The following GBX2 variants were observed in gnomAD, a reference collection of about 807,000 sequenced individuals.
GBX2 encodes homeobox protein GBX-2.
A neutral mutation model predicts 22.4 loss-of-function variants in GBX2; 5 were observed. That is an observed-to-expected ratio of 0.22 (90% CI 0.12 to 0.47). GBX2 has a LOEUF of 0.47. Among genes scored for constraint, GBX2 ranks in the 20% least tolerant of loss-of-function variants. The pLI is 0.99. For synonymous variants in GBX2, 220 were observed against 230.5 expected (o/e 0.95, Z 0.41); for missense variants, 470 against 495.4 (o/e 0.95, Z 0.49).
Position 236,165,813 on chromosome 2 carries a change from G to A in GBX2, c.*101C>T, listed in dbSNP as rs1221936565. ...ATTTGCTTGGGATGGCCACAGCTGGGCTGTGACTTTGTTGCTTCAAACACA... is the reference window on the plus strand; with the variant it reads ...ATTTGCTTGGGATGGCCACAGCTGGACTGTGACTTTGTTGCTTCAAACACA... On this transcript the variant is annotated 3_prime_UTR_variant, in exon 2 of 2. Coordinates refer to ENST00000306318, the MANE Select transcript of GBX2 (RefSeq NM_001485.4). The A allele has an allele frequency of 1.1e-6, 1 of 936,870 alleles. No homozygotes were observed. The highest frequency in any genetic ancestry group is 1.6e-5 in the African/African-American group (1 of 60,716). The allele number at this position is 936,870 out of a possible 1,614,324, so 58.0% of individuals were successfully genotyped here.
At chr2:236,163,501 C>CGA (rs1347415693), downstream of GBX2, among the ~76,000 whole-genome samples, 1 of 152,228 alleles carries the variant, frequency 6.6e-6, no homozygotes, top group Non-Finnish European at 1.5e-5. Context: ...TGCCCCTCAT[C>CGA]CCTGCCATGG....
chr2:236,166,514 C>T lies in GBX2; in HGVS notation c.524-77G>A, dbSNP rs1352768568. The T allele has an allele frequency of 3.0e-6, 4 of 1,316,408 alleles. No individual in the cohort carries two copies. The highest frequency in any genetic ancestry group is 4.6e-5 in the East Asian group (2 of 43,274). The allele number at this position is 1,316,408 out of a possible 1,614,324, so 81.5% of individuals were successfully genotyped here. ...TTTCTCCTTCCCACCGTCATTTGGA[C>T]ATTCCGCGCCCCCCGCCCCCCACCC... On this transcript the variant is annotated intron_variant, in intron 1 of 1. Transcript: ENST00000306318. The surrounding 1 kb of genome is among the most constrained non-coding windows in gnomAD (Gnocchi z 6.6).
chr2:236,161,386 T>C (rs1465153352), downstream of GBX2, among the ~76,000 whole-genome samples: 1 of 152,244 alleles, frequency 6.6e-6, no homozygotes, highest in Admixed American at 6.5e-5. Flanking sequence ...TACATACATA[T>C]GGTGTTGCTT....
chr2:236,164,324 G>C (rs1444357487), downstream of GBX2, among the ~76,000 whole-genome samples: 1 of 152,084 alleles, frequency 6.6e-6, no homozygotes, highest in Admixed American at 6.5e-5. Flanking sequence ...GGCTTCTCTC[G>C]CGCTTCGGGC....
rs765764887 is a variant in GBX2, at chr2:236,167,558, G to C, written c.414C>G (p.Phe138Leu). ...CAGCCTGCAGCGCCTCCGCCTTGTCGAAGTTACCGCCGCCGGGCAGCGGCT... is the reference window on the plus strand; with the variant it reads ...CAGCCTGCAGCGCCTCCGCCTTGTCCAAGTTACCGCCGCCGGGCAGCGGCT... ...APQPLPGGGN[F>L]DKAEALQADA... is the part of the protein sequence containing the mutation. The change falls in exon 1 of 2, where the codon TTC (phenylalanine) becomes TTG (leucine). Residue 138 changes from phenylalanine to leucine, a missense_variant. Physicochemically the swap from Phe to Leu is conservative, Grantham distance 22. Transcript: ENST00000306318. The C allele has an allele frequency of 1.3e-6, 2 of 1,598,740 alleles. No individual in the cohort carries two copies. Among genetic ancestry groups the C allele is most frequent in the African/African-American group, 2.7e-5 (2 of 73,754 alleles).
rs2060234689 is a variant in GBX2, at chr2:236,165,725, C to T, written c.*189G>A. 1 of 589,544 alleles carries T rather than the reference C, an allele frequency of 1.7e-6. No individual in the cohort carries two copies. The highest frequency in any genetic ancestry group is 3.0e-6 in the Non-Finnish European group (1 of 331,446). 36.5% of individuals were successfully genotyped at this position (589,544 alleles called of 1,614,324 possible). A position where few individuals can be genotyped will look rare whatever the true frequency, so the allele number is the denominator to read the frequency against. ...GTATAATAAATATTTAGCGTGTCTT[C>T]TGGTGTGGCTGTAAGCCCCTTCAAA... On this transcript the variant is annotated 3_prime_UTR_variant, in exon 2 of 2. Coordinates refer to ENST00000306318, the MANE Select transcript of GBX2 (RefSeq NM_001485.4).
intron 1 of GBX2, chr2:236,167,169 G>A: frequency 6.5e-7 from 1 of 1,535,654 alleles, no homozygotes; most frequent in Non-Finnish European, 8.7e-7. Flanking sequence ...GAGCGGCAGA[G>A]GCGGCCTCGG....
chr2:236,161,844 C>A (rs1014713296), downstream of GBX2, among the ~76,000 whole-genome samples: 2 of 152,216 alleles, frequency 1.3e-5, no homozygotes, highest in Non-Finnish European at 2.9e-5. Context: ...CTGCTGCCCG[C>A]GCTGCTGAAT....
rs946004857 is a variant in GBX2, at chr2:236,167,256, AC to A, written c.523+192del. 21 of 1,454,596 alleles carry A rather than the reference AC, an allele frequency of 1.4e-5. No individual in the cohort carries two copies. The African/African-American group carries it at 2.9e-4, about 20-fold the overall frequency. 90.1% of individuals were successfully genotyped at this position (1,454,596 alleles called of 1,614,324 possible). On this transcript the variant is annotated intron_variant, in intron 1 of 1. Coordinates refer to ENST00000306318, the MANE Select transcript of GBX2 (RefSeq NM_001485.4). ...GGCGCTAAACGCCCCCCCTCCCGAG[AC>A]CCCGCTTGTTGGGTGGCTCTGAATG...
chr2:236,166,067 T>G lies in GBX2; in HGVS notation c.894A>C (p.Arg298=). ...EVQVKIWFQN[R]RAKWKRVKAG... is the part of the protein sequence containing the mutation. Reference sequence around the variant, plus strand: ...CCTTCACCCGTTTCCACTTGGCCCGTCGGTTCTGGAACCAGATTTTCACCT... The same window carrying G: ...CCTTCACCCGTTTCCACTTGGCCCGGCGGTTCTGGAACCAGATTTTCACCT... Residue 298 remains arginine (R), a synonymous_variant, in exon 2 of 2, where the codon CGA becomes CGC. Coordinates refer to ENST00000306318, the MANE Select transcript of GBX2 (RefSeq NM_001485.4). The surrounding 1 kb of genome is among the most constrained non-coding windows in gnomAD (Gnocchi z 6.6). The G allele has an allele frequency of 6.2e-7, 1 of 1,614,234 alleles. No individual in the cohort carries two copies. The highest frequency in any genetic ancestry group is 8.5e-7 in the Non-Finnish European group (1 of 1,180,036).
At chr2:236,163,120 TC>T (rs553637281), downstream of GBX2, among the ~76,000 whole-genome samples, 8 of 152,330 alleles carry the variant, frequency 5.3e-5, no homozygotes, top group South Asian at 1.4e-3. Flanking sequence ...GTGATGTGAC[TC>T]ATTAGGCAGC....
chr2:236,164,058 G>A (rs2060224631), downstream of GBX2, among the ~76,000 whole-genome samples: 1 of 152,228 alleles, frequency 6.6e-6, no homozygotes, highest in Admixed American at 6.5e-5. Context: ...GCGGGAAAGG[G>A]TGACTCGGTC....
chr2:236,167,446 C>T lies in GBX2; in HGVS notation c.523+3G>A, dbSNP rs751199386. On this transcript the variant is annotated splice_donor_region_variant and intron_variant, in intron 1 of 1. Coordinates refer to ENST00000306318, the MANE Select transcript of GBX2 (RefSeq NM_001485.4). ...GTCCCGGCTGCGCGCGCCGCCGACT[C>T]ACCGAGCGAAGCCTGCACCGTCTCG... 20 of 1,523,028 alleles carry T rather than the reference C, an allele frequency of 1.3e-5. No homozygotes were observed. Among genetic ancestry groups the T allele is most frequent in the Middle Eastern group, 4.1e-4 (2 of 4,918 alleles). 94.3% of individuals were successfully genotyped at this position (1,523,028 alleles called of 1,614,324 possible).
chr2:236,165,567 G>A lies in GBX2; in HGVS notation c.*347C>T, dbSNP rs561411824. ...AAGTATGGAAAGGTGGCTGCTAACCGCGCAGATTACAGCAGAGGTTTTGTT... is the reference window on the plus strand; with the variant it reads ...AAGTATGGAAAGGTGGCTGCTAACCACGCAGATTACAGCAGAGGTTTTGTT... On this transcript the variant is annotated 3_prime_UTR_variant, in exon 2 of 2. Coordinates refer to ENST00000306318, the MANE Select transcript of GBX2 (RefSeq NM_001485.4). 2.0e-5 allele frequency: 4 copies of A among 200,634 alleles called. No individual in the cohort carries two copies. Among genetic ancestry groups the A allele is most frequent in the East Asian group, 2.3e-4 (2 of 8,588 alleles). 12.4% of individuals were successfully genotyped at this position (200,634 alleles called of 1,614,324 possible).
chr2:236,168,054 A>G lies in GBX2; in HGVS notation c.-83T>C. 1 of 1,321,686 alleles carries G rather than the reference A, an allele frequency of 7.6e-7. No individual in the cohort carries two copies. Among genetic ancestry groups the G allele is most frequent in the Non-Finnish European group, 9.6e-7 (1 of 1,036,412 alleles). The allele number at this position is 1,321,686 out of a possible 1,614,324, so 81.9% of individuals were successfully genotyped here. ...GGGAAGCCCGCCGGACGCCGGGAGCACCGCCGGGAGCGCCGGGCAGGGGCC... is the reference window on the plus strand; with the variant it reads ...GGGAAGCCCGCCGGACGCCGGGAGCGCCGCCGGGAGCGCCGGGCAGGGGCC... On this transcript the variant is annotated 5_prime_UTR_variant, in exon 1 of 2. Coordinates refer to ENST00000306318, the MANE Select transcript of GBX2 (RefSeq NM_001485.4).
Position 236,166,159 on chromosome 2 carries a change from A to G in GBX2, c.802T>C (p.Cys268Arg). 1 of 1,614,112 alleles carries G rather than the reference A, an allele frequency of 6.2e-7. No homozygotes were observed. The highest frequency in any genetic ancestry group is 8.5e-7 in the Non-Finnish European group (1 of 1,180,036). ...TCGGTCAAGGAGAGGTACTTTTTGC[A>G]GTGGAACTCCTTCTCTAGCTCCAGC... ...QLLELEKEFH[C>R]KKYLSLTERS... Residue 268 changes from cysteine (C) to arginine (R), a missense_variant, in exon 2 of 2, where the codon TGC becomes CGC. Transcript: ENST00000306318. The surrounding 1 kb of genome is among the most constrained non-coding windows in gnomAD (Gnocchi z 6.6).
At chr2:236,167,385 C>G (rs2060246240) in intron 1 of GBX2, 64 bp downstream of exon 1, 3 of 1,405,972 alleles carry the variant, frequency 2.1e-6, no homozygotes, top group Non-Finnish European at 2.8e-6. Context: ...CGCGGGAACC[C>G]GGCGCTGGCC....
Position 236,166,545 on chromosome 2 carries a change from C to T in GBX2, c.524-108G>A. The T allele has an allele frequency of 1.0e-6, 1 of 959,530 alleles. No individual in the cohort carries two copies. The highest frequency in any genetic ancestry group is 1.6e-6 in the Non-Finnish European group (1 of 630,604). The allele number at this position is 959,530 out of a possible 1,614,324, so 59.4% of individuals were successfully genotyped here. On this transcript the variant is annotated intron_variant, in intron 1 of 1. Coordinates refer to ENST00000306318, the MANE Select transcript of GBX2 (RefSeq NM_001485.4). The surrounding 1 kb of genome is among the most constrained non-coding windows in gnomAD (Gnocchi z 6.6). ...GCGCCCCCCGCCCCCCACCCTTTAGCGGATTGTCTTTCTATGACATTAACA... is the reference window on the plus strand; with the variant it reads ...GCGCCCCCCGCCCCCCACCCTTTAGTGGATTGTCTTTCTATGACATTAACA...
At chr2:236,167,258 C>T (rs1349531223) in intron 1 of GBX2, 191 bp downstream of exon 1, 2 of 1,450,128 alleles carry the variant, frequency 1.4e-6, no homozygotes, top group Non-Finnish European at 9.4e-7. Context: ...CTCCCGAGAC[C>T]CCGCTTGTTG....
Sources: allele counts gnomAD v4.1 joint callset (sites outside exome capture counted in the v4.1 genomes callset), GRCh38; gene constraint gnomAD v4.1.1; non-coding constraint Gnocchi (gnomAD v3.1); transcripts MANE v1.5; gene names NCBI Gene and HGNC (gene_info 2026-07-23, HGNC 2026-07-21).